Variants in ANKS1B observed in about 807,000 individuals in gnomAD.
ANKS1B encodes ankyrin repeat and sterile alpha motif domain containing 1B.
A neutral mutation model predicts 148.3 loss-of-function variants in ANKS1B; 36 were observed. The observed-to-expected ratio is 0.24, with a 90% CI of 0.19 to 0.32. The LOEUF (loss-of-function observed/expected upper bound fraction) is 0.32, where lower values mean the gene tolerates loss of function less well. Ranked by LOEUF, ANKS1B falls within the 10% of genes least tolerant of loss-of-function variation. The probability of loss-of-function intolerance (pLI) is 1.00; values close to 1 mark genes in which losing one functional copy is unlikely to be tolerated. For synonymous variants in ANKS1B, 542 were observed against 560.8 expected, an observed-to-expected ratio of 0.97 and a Z score of 0.47; for missense variants, 1,157 against 1,542.6, an observed-to-expected ratio of 0.75 and a Z score of 4.19.
rs538775361 is a variant in ANKS1B, at chr12:99,555,378, C to A, written c.1273-50737G>T. 1.1e-4 allele frequency among the ~76,000 whole-genome samples: 16 copies of A among 152,256 alleles called. No homozygotes were observed. The East Asian group carries it at 2.9e-3, about 28-fold the overall frequency. On this transcript the variant is annotated intron_variant, in intron 9 of 26. Coordinates refer to ENST00000683438, the MANE Select transcript of ANKS1B (RefSeq NM_001352186.2). ...GGTTTTCTAGATATGGAATCACACACCTTCAAACAGAAATAGTTTTACTTT... is the reference window on the plus strand; with the variant it reads ...GGTTTTCTAGATATGGAATCACACAACTTCAAACAGAAATAGTTTTACTTT...
intron 9 of ANKS1B, among the ~76,000 whole-genome samples, chr12:99,633,011 T>G (rs982559717): frequency 6.8e-6 from 1 of 147,196 alleles, no homozygotes; most frequent in African/African-American, 2.5e-5. Flanking sequence ...CATGCCATGT[T>G]TGGTTTTTGT....
chr12:99,367,606 C>T (rs2092842046), intron 12 of ANKS1B, among the ~76,000 whole-genome samples: 1 of 152,060 alleles, frequency 6.6e-6, no homozygotes, highest in African/African-American at 2.4e-5. Context: ...TAAAAGGCTG[C>T]AAGTAATTCA....
At chr12:98,754,608 G>C (rs2098185675) in intron 25 of ANKS1B, among the ~76,000 whole-genome samples, 1 of 152,212 alleles carries the variant, frequency 6.6e-6, no homozygotes, top group Admixed American at 6.5e-5. Context: ...TGCTGTAACA[G>C]TGGAACTTAA....
chr12:99,167,030 G>A (rs566875510), intron 14 of ANKS1B, among the ~76,000 whole-genome samples: 2 of 152,036 alleles, frequency 1.3e-5, no homozygotes, highest in East Asian at 1.9e-4. Flanking sequence ...GACTTTTAAT[G>A]AATTATTCTG....
At chr12:99,800,849 G>A (rs1203625268) in intron 4 of ANKS1B, among the ~76,000 whole-genome samples, 1 of 152,050 alleles carries the variant, frequency 6.6e-6, no homozygotes. Flanking sequence ...CTTGGTAATT[G>A]TCAGATAAAG....
intron 15 of ANKS1B, 84 bp from the exon 16 acceptor site, chr12:99,085,107 A>G: frequency 1.7e-6 from 2 of 1,158,788 alleles, no homozygotes; most frequent in Non-Finnish European, 2.5e-6. Context: ...TACAGAGAAA[A>G]CCAGTGAGTG....
chr12:99,817,361 T>C (rs1049885111), intron 2 of ANKS1B, among the ~76,000 whole-genome samples: 2 of 151,722 alleles, frequency 1.3e-5, no homozygotes, highest in East Asian at 1.9e-4. Flanking sequence ...TTTTTTATGG[T>C]TGAATAATAT....
At chr12:99,617,814 AAAAAC>A (rs1167756860) in intron 9 of ANKS1B, among the ~76,000 whole-genome samples, 7 of 152,100 alleles carry the variant, frequency 4.6e-5, no homozygotes, top group African/African-American at 1.4e-4. Context: ...ATTTAAAAAA[AAAAAC>A]AAAACAAAGC....
intron 16 of ANKS1B, among the ~76,000 whole-genome samples, chr12:99,078,874 G>A (rs1335042055): frequency 6.6e-6 from 1 of 152,126 alleles, no homozygotes; most frequent in African/African-American, 2.4e-5. Context: ...AAGATGGGAT[G>A]TCACTTGTGT....
chr12:99,934,463 T>C (rs899584836), intron 1 of ANKS1B, among the ~76,000 whole-genome samples: 6 of 152,152 alleles, frequency 3.9e-5, no homozygotes, highest in African/African-American at 1.4e-4. Context: ...ATTGGTCTGT[T>C]CAAGTTTTGG....
At chr12:98,974,389 T>C (rs1283040604) in intron 17 of ANKS1B, among the ~76,000 whole-genome samples, 1 of 152,180 alleles carries the variant, frequency 6.6e-6, no homozygotes. Flanking sequence ...CAGTATTTGA[T>C]AGAGCCAATT....
chr12:99,530,250 C>A (rs1368455623), intron 9 of ANKS1B, among the ~76,000 whole-genome samples: 1 of 152,150 alleles, frequency 6.6e-6, no homozygotes, highest in Non-Finnish European at 1.5e-5. Context: ...CTGGTTTAGG[C>A]CCTTGGCAGT....
chr12:99,411,940 T>A (rs1054463076), intron 11 of ANKS1B, among the ~76,000 whole-genome samples: 3 of 152,230 alleles, frequency 2.0e-5, no homozygotes, highest in Non-Finnish European at 4.4e-5. Flanking sequence ...TATTGACCAT[T>A]ATCAGCTGTG....
chr12:99,668,596 A>G (rs1304495315), intron 8 of ANKS1B, among the ~76,000 whole-genome samples: 2 of 151,988 alleles, frequency 1.3e-5, no homozygotes, highest in Admixed American at 6.6e-5. Context: ...TTGTGACTTT[A>G]GCAACTAGAT....
At chr12:99,486,494 AT>A (rs1555454860) in intron 10 of ANKS1B, among the ~76,000 whole-genome samples, 1 of 131,532 alleles carries the variant, frequency 7.6e-6, no homozygotes, top group East Asian at 2.1e-4. Flanking sequence ...TTATTTATTT[AT>A]TTTTCCCCAG....
intron 9 of ANKS1B, among the ~76,000 whole-genome samples, chr12:99,527,789 A>C (rs1158013483): frequency 1.3e-5 from 2 of 152,192 alleles, no homozygotes; most frequent in Non-Finnish European, 2.9e-5. Context: ...ATGAAATAAT[A>C]AAATCAATAA....
chr12:98,784,164 A>G (rs1482507552), intron 22 of ANKS1B, among the ~76,000 whole-genome samples: 1 of 152,254 alleles, frequency 6.6e-6, no homozygotes, highest in Non-Finnish European at 1.5e-5. Flanking sequence ...TTTGATAAGC[A>G]GGTGGAGATA....
At chr12:98,980,437 A>C (rs1161844910) in intron 17 of ANKS1B, among the ~76,000 whole-genome samples, 1 of 152,192 alleles carries the variant, frequency 6.6e-6, no homozygotes, top group Non-Finnish European at 1.5e-5. Context: ...AGATCTCCTG[A>C]CCTCGTGATC....
At chr12:99,591,007 T>G (rs17472409) in intron 9 of ANKS1B, among the ~76,000 whole-genome samples, 19,294 of 151,972 alleles carry the variant, frequency 0.13, 1,379 homozygotes, top group Non-Finnish European at 0.16. Flanking sequence ...CTTCCTCCTA[T>G]ATTTTAAGTT....
Sources: allele counts gnomAD v4.1 joint callset (sites outside exome capture counted in the v4.1 genomes callset), GRCh38; gene constraint gnomAD v4.1.1; transcripts MANE v1.5; gene names NCBI Gene and HGNC (gene_info 2026-07-23, HGNC 2026-07-21).